The following HSF5 variants were observed in gnomAD, a reference collection of about 807,000 sequenced individuals.
HSF5 encodes heat shock transcription factor 5, also known as heat shock factor protein 5.
Under a neutral mutation model 50.8 loss-of-function variants are expected in HSF5, and 5 were observed. The ratio of observed to expected loss-of-function variants is 0.10; its 90% confidence interval spans 0.05 to 0.21. The LOEUF (loss-of-function observed/expected upper bound fraction) is 0.21, where lower values mean the gene tolerates loss of function less well. Ranked by LOEUF, HSF5 falls within the 10% of genes least tolerant of loss-of-function variation. The pLI is 1.00. For missense variants in HSF5, 564 were observed against 762.6 expected (o/e 0.74, Z 3.07); for synonymous variants, 307 against 307.4 (o/e 1.00, Z 0.02).
intron 3 of HSF5, among the ~76,000 whole-genome samples, chr17:58,465,245 T>C (rs1974848429): frequency 6.7e-6 from 1 of 149,504 alleles, no homozygotes; most frequent in Non-Finnish European, 1.5e-5. Context: ...TCATCTCAAT[T>C]TCCTGGCCTC....
chr17:58,457,455 C>T (rs1216813374), intron 5 of HSF5, among the ~76,000 whole-genome samples: 5 of 151,374 alleles, frequency 3.3e-5, no homozygotes, highest in African/African-American at 7.3e-5. Context: ...AAAAATTAGC[C>T]GGGTGTGGTG....
chr17:58,456,631 C>T (rs975116185), intron 5 of HSF5, among the ~76,000 whole-genome samples: 3 of 152,040 alleles, frequency 2.0e-5, no homozygotes, highest in African/African-American at 7.2e-5. Context: ...TTGATCATTA[C>T]ACTACATATA....
intron 1 of HSF5, among the ~76,000 whole-genome samples, chr17:58,487,455 G>A (rs1170868220): frequency 6.6e-6 from 1 of 152,202 alleles, no homozygotes; most frequent in Admixed American, 6.5e-5. Context: ...AGCCTAAGAG[G>A]CGGAGGTCCC....
Position 58,478,486 on chromosome 17 carries a change from A to AAAAAG in HSF5, c.925+1402_925+1406dup, listed in dbSNP as rs1191467440. ...GCGAGACTCCATCTCAAAAAAAAAA[A>AAAAAG]AAAAGAAAAGAAAAGAAAAGAAAAG... On this transcript the variant is annotated intron_variant, in intron 2 of 5. Coordinates refer to ENST00000323777, the MANE Select transcript of HSF5 (RefSeq NM_001080439.3). Among the ~76,000 whole-genome samples the AAAAAG allele has an allele frequency of 4.0e-3, 587 of 146,832 alleles. 4 individuals carry two copies. Among genetic ancestry groups the AAAAAG allele is most frequent in the Middle Eastern group, 7.1e-3 (2 of 280 alleles).
chr17:58,469,009 T>C (rs1463649902), intron 2 of HSF5, among the ~76,000 whole-genome samples: 1 of 151,920 alleles, frequency 6.6e-6, no homozygotes, highest in Admixed American at 6.6e-5. Context: ...CCCAAAGTAT[T>C]TGACAGCACA....
Position 58,488,265 on chromosome 17 carries a change from G to A in HSF5, c.10C>T (p.Leu4=), listed in dbSNP as rs1286590668. 2 of 1,476,656 alleles carry A rather than the reference G, an allele frequency of 1.4e-6. No individual in the cohort carries two copies. Among genetic ancestry groups the A allele is most frequent in the Non-Finnish European group, 1.8e-6 (2 of 1,127,188 alleles). The allele number at this position is 1,476,656 out of a possible 1,614,324, so 91.5% of individuals were successfully genotyped here. The change falls in exon 1 of 6, where the codon CTG becomes TTG. Residue 4 remains leucine, a synonymous_variant. Transcript: ENST00000323777. This position sits in a 1 kb window ranked among gnomAD's most constrained non-coding sequence, Gnocchi z 4.1. ...TTGGGGTTGATGGGGGTGGAGAGCA[G>A]CGCCTCCATCGCCCCGCCGGGCCGG... MEA[L]LSTPINPNNF...
chr17:58,461,870 A>C (rs75173378), intron 4 of HSF5, among the ~76,000 whole-genome samples: 1 of 149,642 alleles, frequency 6.7e-6, no homozygotes, highest in Non-Finnish European at 1.5e-5. Context: ...ACTCCACCTC[A>C]AAAAAAAAAA....
intron 5 of HSF5, among the ~76,000 whole-genome samples, chr17:58,454,058 C>T (rs1220739659): frequency 6.6e-6 from 1 of 152,098 alleles, no homozygotes; most frequent in East Asian, 1.9e-4. Flanking sequence ...TGCGCCACTG[C>T]ACTTCAGCCT....
At chr17:58,467,316 C>T (rs556408999) in intron 2 of HSF5, among the ~76,000 whole-genome samples, 1 of 152,168 alleles carries the variant, frequency 6.6e-6, no homozygotes, top group African/African-American at 2.4e-5. Context: ...TATTGAAATT[C>T]CAAAATAAGT....
rs562584983 is a variant in HSF5 at position 58,485,619 on chromosome 17, C to T, written c.550+2106G>A. 4.6e-5 allele frequency among the ~76,000 whole-genome samples: 7 copies of T among 151,538 alleles called. No individual in the cohort carries two copies. In the South Asian group the frequency reaches 1.0e-3, roughly 23 times the overall value. On this transcript the variant is annotated intron_variant, in intron 1 of 5. Coordinates refer to ENST00000323777, the MANE Select transcript of HSF5 (RefSeq NM_001080439.3). ...AAAAATTAGCTGGGTGTGGTGGCCA[C>T]GCCTGTAGTCCCAGCTACTCGGGAG... is the stretch of plus-strand genomic sequence containing the variant.
At chr17:58,473,193 T>C (rs186423190) in intron 2 of HSF5, among the ~76,000 whole-genome samples, 1 of 152,226 alleles carries the variant, frequency 6.6e-6, no homozygotes, top group East Asian at 1.9e-4. Context: ...TATAAAAGTA[T>C]TATAAGGATT....
At chr17:58,467,058 A>G in intron 2 of HSF5, 79 bp from the exon 3 acceptor site, 1 of 874,242 alleles carries the variant, frequency 1.1e-6, no homozygotes, top group Non-Finnish European at 1.8e-6. Context: ...CTCTTTCAAC[A>G]TGGAAAGAAA....
At chr17:58,461,077 G>T (rs902031488) in intron 4 of HSF5, among the ~76,000 whole-genome samples, 4 of 151,684 alleles carry the variant, frequency 2.6e-5, no homozygotes, top group Non-Finnish European at 4.4e-5. Context: ...TAGCCAGCCT[G>T]GGGGGACACA....
At chr17:58,477,044 G>C (rs1165808799) in intron 2 of HSF5, 2 of 532,386 alleles carry the variant, frequency 3.8e-6, no homozygotes, top group African/African-American at 1.9e-5. Flanking sequence ...GCGCTTGCTG[G>C]GTCCAGCCAC....
chr17:58,442,851 C>A (rs1364949606), intron 5 of HSF5, among the ~76,000 whole-genome samples: 1 of 151,920 alleles, frequency 6.6e-6, no homozygotes. Context: ...GATTCTCCTG[C>A]CTCAACCTCC....
At chr17:58,466,161 C>T (rs1040268245) in intron 3 of HSF5, among the ~76,000 whole-genome samples, 1 of 151,950 alleles carries the variant, frequency 6.6e-6, no homozygotes, top group Admixed American at 6.6e-5. Flanking sequence ...TGAAAAAATC[C>T]AAAATCTGAA....
At chr17:58,430,916 T>C (rs1974356325) in intron 5 of HSF5, among the ~76,000 whole-genome samples, 1 of 152,210 alleles carries the variant, frequency 6.6e-6, no homozygotes, top group Admixed American at 6.5e-5. Flanking sequence ...CAAACCTAGA[T>C]GGTATAGCCT....
intron 5 of HSF5, among the ~76,000 whole-genome samples, chr17:58,440,576 C>A (rs1974486225): frequency 1.3e-5 from 2 of 152,162 alleles, no homozygotes; most frequent in Admixed American, 6.6e-5. Flanking sequence ...GCGAAAATAA[C>A]CAGTTACATG....
chr17:58,453,370 G>C (rs577637573), intron 5 of HSF5, among the ~76,000 whole-genome samples: 1 of 152,316 alleles, frequency 6.6e-6, no homozygotes, highest in East Asian at 1.9e-4. Context: ...AAGGCAGGCA[G>C]ATCACTTGAG....
Sources: allele counts gnomAD v4.1 joint callset (sites outside exome capture counted in the v4.1 genomes callset), GRCh38; gene constraint gnomAD v4.1.1; non-coding constraint Gnocchi (gnomAD v3.1); transcripts MANE v1.5; gene names NCBI Gene and HGNC (gene_info 2026-07-23, HGNC 2026-07-21).